SPAG17: variants seen among roughly 807,000 people sequenced by gnomAD.
The protein encoded by SPAG17 is sperm associated antigen 17, also known as sperm-associated antigen 17.
SPAG17 carries 169 observed loss-of-function variants against 273.6 expected under a neutral mutation model. The observed-to-expected ratio is 0.62, with a 90% CI of 0.55 to 0.70. The LOEUF is 0.70. Ranked by LOEUF, SPAG17 falls within the 30% of genes least tolerant of loss-of-function variation. SPAG17 has a pLI of 0.00. For missense variants in SPAG17, 2,557 were observed against 2,627.8 expected (o/e 0.97, Z 0.59); for synonymous variants, 825 against 873.2 (o/e 0.94, Z 0.97).
In SPAG17 at chr1:118,040,795, G is replaced by A; in HGVS notation, c.3101C>T (p.Ser1034Leu). The A allele has an allele frequency of 6.2e-7, 1 of 1,603,896 alleles. No individual in the cohort carries two copies. Among genetic ancestry groups the A allele is most frequent in the East Asian group, 2.2e-5 (1 of 44,842 alleles). The change falls in exon 22 of 49, where the codon TCA (serine) becomes TTA (leucine). Residue 1034 changes from serine (S) to leucine (L), a missense_variant. Physicochemically the swap from Ser to Leu is moderately radical, Grantham distance 145. Coordinates refer to ENST00000336338, the MANE Select transcript of SPAG17 (RefSeq NM_206996.4). Reference sequence around the variant, plus strand: ...ATCAGAAGGATACAGGTAGTAATTTGACCCTGAGATTTGAGTGGGTATATT... The same window carrying A: ...ATCAGAAGGATACAGGTAGTAATTTAACCCTGAGATTTGAGTGGGTATATT... ...MGNIPTQISG[S>L]NYYLYPSDGG...
intron 4 of SPAG17, among the ~76,000 whole-genome samples, chr1:118,107,682 C>G (rs1435787631): frequency 1.3e-5 from 2 of 151,906 alleles, no homozygotes; most frequent in African/African-American, 2.4e-5. Flanking sequence ...AAAGAGGACC[C>G]TTATAAATCC....
chr1:118,082,293 T>G (rs919005402), intron 13 of SPAG17, among the ~76,000 whole-genome samples: 20 of 152,330 alleles, frequency 1.3e-4, no homozygotes, highest in South Asian at 4.1e-4. Flanking sequence ...GATTTGGCTC[T>G]TACACTTTAG....
intron 48 of SPAG17, chr1:117,955,454 G>T (rs1030509873): frequency 1.3e-4 from 154 of 1,193,224 alleles, no homozygotes; most frequent in Non-Finnish European, 1.8e-4. Context: ...ATAATTGATG[G>T]TTATCTTATA....
intron 1 of SPAG17, among the ~76,000 whole-genome samples, chr1:118,165,175 C>T (rs953130445): frequency 3.3e-5 from 5 of 152,106 alleles, no homozygotes; most frequent in African/African-American, 1.2e-4. Context: ...ATCAGTTTCA[C>T]ACTTGTTAAA....
At chr1:118,133,980 T>C (rs1161682410) in intron 3 of SPAG17, among the ~76,000 whole-genome samples, 1 of 152,200 alleles carries the variant, frequency 6.6e-6, no homozygotes, top group Non-Finnish European at 1.5e-5. Flanking sequence ...AACCTTATAA[T>C]TTTTGCTTGT....
Position 118,074,174 on chromosome 1 carries a change from A to G in SPAG17, c.2272-207T>C, listed in dbSNP as rs1653875305. ...TTTTTATGGGCAACATAATCTAAAT[A>G]TTTTTATTGTTAGGTTATACTCTTC... On this transcript the variant is annotated intron_variant, in intron 16 of 48. Coordinates refer to ENST00000336338, the MANE Select transcript of SPAG17 (RefSeq NM_206996.4). Among the ~76,000 whole-genome samples the G allele has an allele frequency of 2.0e-5, 3 of 151,878 alleles. No homozygotes were observed. In the South Asian group the frequency reaches 6.2e-4, roughly 32 times the overall value.
chr1:118,122,407 T>C (rs1015446096), intron 3 of SPAG17, among the ~76,000 whole-genome samples: 3 of 152,210 alleles, frequency 2.0e-5, no homozygotes, highest in African/African-American at 7.2e-5. Flanking sequence ...AATGCAAAAG[T>C]ACAGGCTCTA....
intron 25 of SPAG17, among the ~76,000 whole-genome samples, chr1:118,029,945 G>A (rs1413838583): frequency 1.3e-5 from 2 of 152,086 alleles, no homozygotes; most frequent in African/African-American, 2.4e-5. Context: ...ATGAAATTCT[G>A]TAAAATGAAC....
rs1477123645 is a variant in SPAG17, at chr1:118,008,021, T to C, written c.4587+23A>G. On this transcript the variant is annotated intron_variant, in intron 31 of 48. Coordinates refer to ENST00000336338, the MANE Select transcript of SPAG17 (RefSeq NM_206996.4). ...TGAATAGACACTCATCTTTGGCGCT[T>C]CTCATTTTCCTCGTAGACCTACCTG... 4 of 1,613,524 alleles carry C rather than the reference T, an allele frequency of 2.5e-6. No homozygotes were observed. The Admixed American group carries it at 6.7e-5, about 27-fold the overall frequency.
Position 118,091,649 on chromosome 1 carries a change from T to C in SPAG17, c.1316A>G (p.Glu439Gly). The change falls in exon 10 of 49, where the codon GAA becomes GGA. Residue 439 changes from glutamate to glycine, a missense_variant. Glu to Gly is a moderately conservative substitution (Grantham distance 98). Coordinates refer to ENST00000336338, the MANE Select transcript of SPAG17 (RefSeq NM_206996.4). ...CAGTATCAGGGGCACAGAAATGAAT[T>C]CCTCTCGAATTGGATTCAGCAAATA... is the stretch of plus-strand genomic sequence containing the variant. ...YNYLLNPIREEFISVPLILHC... is the reference protein window; with the variant it reads ...YNYLLNPIREGFISVPLILHC... 1 of 1,612,898 alleles carries C rather than the reference T, an allele frequency of 6.2e-7. No individual in the cohort carries two copies.
intron 26 of SPAG17, 34 bp downstream of exon 26, chr1:118,028,240 C>G: frequency 1.3e-6 from 2 of 1,578,186 alleles, no homozygotes; most frequent in Non-Finnish European, 1.7e-6. Context: ...CATTTTGCTC[C>G]CTGCTTCCCC....
At chr1:118,046,046 A>G (rs1279825332) in intron 20 of SPAG17, among the ~76,000 whole-genome samples, 1 of 152,152 alleles carries the variant, frequency 6.6e-6, no homozygotes, top group Non-Finnish European at 1.5e-5. Flanking sequence ...ATATAAAACA[A>G]TTACAATGAG....
rs1020285712 is a variant in SPAG17 at position 118,074,105 on chromosome 1, T to G, written c.2272-138A>C. 2.0e-5 allele frequency: 12 copies of G among 607,676 alleles called. No individual in the cohort carries two copies. In the African/African-American group the frequency reaches 2.3e-4, roughly 12 times the overall value. 37.6% of individuals were successfully genotyped at this position (607,676 alleles called of 1,614,324 possible). ...ATATGTATAAATCCATATGGCAACATTTTAGGAGAGCTGCTGCCAAAAAGA... is the reference window on the plus strand; with the variant it reads ...ATATGTATAAATCCATATGGCAACAGTTTAGGAGAGCTGCTGCCAAAAAGA... On this transcript the variant is annotated intron_variant, in intron 16 of 48. Coordinates refer to ENST00000336338, the MANE Select transcript of SPAG17 (RefSeq NM_206996.4).
intron 3 of SPAG17, among the ~76,000 whole-genome samples, chr1:118,119,321 T>G (rs1228376263): frequency 6.6e-6 from 1 of 152,158 alleles, no homozygotes; most frequent in East Asian, 1.9e-4. Flanking sequence ...TGAGGTTGTG[T>G]AAAGATTTGG....
At chr1:118,028,726 T>C (rs904066101) in intron 25 of SPAG17, among the ~76,000 whole-genome samples, 2 of 152,160 alleles carry the variant, frequency 1.3e-5, no homozygotes, top group South Asian at 2.1e-4. Context: ...TTTGGATATG[T>C]AGGCATAAGG....
At chr1:118,092,293 C>T (rs1655427876) in intron 8 of SPAG17, among the ~76,000 whole-genome samples, 1 of 152,074 alleles carries the variant, frequency 6.6e-6, no homozygotes, top group African/African-American at 2.4e-5. Context: ...TCTTTTTTCC[C>T]CTGGGTGACT....
intron 3 of SPAG17, among the ~76,000 whole-genome samples, chr1:118,142,785 G>C (rs1157630984): frequency 6.6e-6 from 1 of 152,126 alleles, no homozygotes; most frequent in Non-Finnish European, 1.5e-5. Context: ...GTGGAACCAG[G>C]ACATGATCCC....
At chr1:118,184,289 C>T (rs1661079120) in intron 1 of SPAG17, among the ~76,000 whole-genome samples, 4 of 152,114 alleles carry the variant, frequency 2.6e-5, no homozygotes, top group Admixed American at 2.0e-4. Context: ...TTTCTCTTCC[C>T]AAATGCTAAC....
At chr1:118,165,504 A>G (rs1660122180) in intron 1 of SPAG17, among the ~76,000 whole-genome samples, 1 of 152,120 alleles carries the variant, frequency 6.6e-6, no homozygotes, top group South Asian at 2.1e-4. Context: ...TGACTGTAAT[A>G]AACCATTTTT....
Sources: allele counts gnomAD v4.1 joint callset (sites outside exome capture counted in the v4.1 genomes callset), GRCh38; gene constraint gnomAD v4.1.1; transcripts MANE v1.5; gene names NCBI Gene and HGNC (gene_info 2026-07-23, HGNC 2026-07-21).